RYR3: variants seen among roughly 807,000 people sequenced by gnomAD.
RYR3 encodes the protein brain ryanodine receptor-calcium release channel.
In RYR3, 207 loss-of-function variants were observed where a neutral mutation model predicts 584.3. The observed-to-expected ratio is 0.35, with a 90% CI of 0.32 to 0.40. The LOEUF is 0.40. RYR3 is among the 10% of genes least tolerant of loss of function. The probability of loss-of-function intolerance (pLI) is 1.00; values close to 1 mark genes in which losing one functional copy is unlikely to be tolerated. For synonymous variants in RYR3, 2,416 were observed against 2,248.5 expected (o/e 1.07, Z -2.11); for missense variants, 5,616 against 6,089.2 (o/e 0.92, Z 2.59).
At chr15:33,864,846 T>C in intron 103 of RYR3, 1 of 350,738 alleles carries the variant, frequency 2.9e-6, no homozygotes, top group Non-Finnish European at 5.2e-6. Flanking sequence ...AGCTTATTGC[T>C]AAATCTTTAA....
At chr15:33,454,382 A>G (rs1244061653) in intron 1 of RYR3, among the ~76,000 whole-genome samples, 2 of 152,230 alleles carry the variant, frequency 1.3e-5, no homozygotes, top group African/African-American at 2.4e-5. Flanking sequence ...GGGCTAAAAA[A>G]TAAAAACTAG....
intron 43 of RYR3, among the ~76,000 whole-genome samples, chr15:33,710,103 C>A (rs1209703734): frequency 6.6e-6 from 1 of 152,132 alleles, no homozygotes; most frequent in African/African-American, 2.4e-5. Flanking sequence ...TGTATTAGAC[C>A]ATTCTTGCAT....
Position 33,629,001 on chromosome 15 carries a change from T to C in RYR3, c.2679+426T>C, listed in dbSNP as rs183993401. Among the ~76,000 whole-genome samples the C allele has an allele frequency of 5.9e-5, 9 of 152,356 alleles. 1 individual carries two copies. The East Asian group carries it at 1.7e-3, about 29-fold the overall frequency. ...TGTAAATTGACTGTGTTCCATGATT[T>C]GTGTAAGGTCATGTCTGAAGGCAGA... On this transcript the variant is annotated intron_variant, in intron 21 of 103. Transcript: ENST00000634891.
At chr15:33,725,178 C>CACACACACACACACACATAT (rs1555426976) in intron 45 of RYR3, among the ~76,000 whole-genome samples, 1 of 120,840 alleles carries the variant, frequency 8.3e-6, no homozygotes. Context: ...CACACACACA[C>CACACACACACACACACATAT]ACACACACAC....
Position 33,696,398 on chromosome 15 carries a change from C to G in RYR3, c.6041C>G (p.Thr2014Ser). Residue 2014 changes from threonine (T) to serine (S), a missense_variant, in exon 39 of 104, where the codon ACC becomes AGC. This residue lies in a region of RYR3 where 1,280 missense variants were observed against 1,426.2 expected (regional missense o/e 0.90). Coordinates refer to ENST00000634891, the MANE Select transcript of RYR3 (RefSeq NM_001036.6). The stretch of plus-strand genomic sequence containing the variant: ...ATCAGCCACACCTCTGTAAGCGACA[C>G]CATCAACCTGCTGGCTGCCCTGGGC... ...YTISHTSVSDTINLLAALGQI... is the reference protein window; with the variant it reads ...YTISHTSVSDSINLLAALGQI... 6.2e-7 allele frequency: 1 copy of G among 1,613,980 alleles called. No individual in the cohort carries two copies.
At chr15:33,450,135 G>A (rs191881419) in intron 1 of RYR3, among the ~76,000 whole-genome samples, 6 of 133,154 alleles carry the variant, frequency 4.5e-5, no homozygotes, top group African/African-American at 1.7e-4. Context: ...AGCATTAGCA[G>A]TTACAGTTCT....
At chr15:33,424,853 G>A (rs891363367) in intron 1 of RYR3, among the ~76,000 whole-genome samples, 7 of 152,108 alleles carry the variant, frequency 4.6e-5, no homozygotes, top group Non-Finnish European at 8.8e-5. Context: ...TGGTGTGTGC[G>A]TGTAGCCCCA....
At chr15:33,634,894 A>G (rs2061429108) in intron 25 of RYR3, among the ~76,000 whole-genome samples, 161 bp downstream of exon 25, 1 of 152,256 alleles carries the variant, frequency 6.6e-6, no homozygotes, top group East Asian at 1.9e-4. Context: ...GTTATCGGGG[A>G]GACCATGTTT....
chr15:33,499,304 C>T (rs2051740682), intron 2 of RYR3, among the ~76,000 whole-genome samples: 2 of 151,694 alleles, frequency 1.3e-5, no homozygotes, highest in South Asian at 4.2e-4. Context: ...CTCCCTCCTC[C>T]CCCTCCTCCC....
chr15:33,805,537 G>A (rs894031279), intron 69 of RYR3, among the ~76,000 whole-genome samples: 2 of 150,468 alleles, frequency 1.3e-5, no homozygotes, highest in African/African-American at 4.9e-5. Context: ...GAGTACAGTG[G>A]TGCGATCTCG....
At chr15:33,649,308 C>T in intron 31 of RYR3, 73 bp downstream of exon 31, 1 of 1,403,890 alleles carries the variant, frequency 7.1e-7, no homozygotes. Context: ...TTTCTTCCAC[C>T]CCACACCCAA....
chr15:33,771,426 C>T (rs1300270969), intron 62 of RYR3, among the ~76,000 whole-genome samples: 7 of 144,630 alleles, frequency 4.8e-5, no homozygotes, highest in African/African-American at 1.3e-4. Flanking sequence ...CCCAGCTACT[C>T]GGGAGGCTGA....
At chr15:33,781,845 G>GA (rs2074399100) in intron 65 of RYR3, among the ~76,000 whole-genome samples, 1 of 70,044 alleles carries the variant, frequency 1.4e-5, no homozygotes, top group Admixed American at 1.4e-4. Flanking sequence ...TTTGAAATTA[G>GA]CAAAAAAAAA....
chr15:33,470,625 C>G (rs1596283248), intron 1 of RYR3, among the ~76,000 whole-genome samples: 1 of 152,238 alleles, frequency 6.6e-6, no homozygotes, highest in East Asian at 1.9e-4. Context: ...TAGTCCAGTT[C>G]TGGATTTTAG....
chr15:33,728,245 G>C (rs1236796604), intron 46 of RYR3, among the ~76,000 whole-genome samples: 5 of 152,128 alleles, frequency 3.3e-5, no homozygotes, highest in African/African-American at 1.2e-4. Context: ...TAATGTCACT[G>C]AACACAGAGT....
At chr15:33,727,494 C>G (rs1007139956) in intron 46 of RYR3, among the ~76,000 whole-genome samples, 1 of 152,182 alleles carries the variant, frequency 6.6e-6, no homozygotes, top group African/African-American at 2.4e-5. Context: ...GATTACATCT[C>G]TGAGAAAACT....
At chr15:33,756,907 G>T (rs547131852) in intron 59 of RYR3, among the ~76,000 whole-genome samples, 39 of 152,278 alleles carry the variant, frequency 2.6e-4, no homozygotes, top group African/African-American at 8.4e-4. Flanking sequence ...ACCTGTTTAA[G>T]TTCCATTTGA....
In RYR3 at chr15:33,497,896, C is replaced by T. The variant is rs566494015; in HGVS notation, c.172-5735C>T. Reference sequence around the variant, plus strand: ...CCCCTTCCCAGCCTCTAGTAACCACCATTCTACTCTCTCTACATCTATGAG... The same window carrying T: ...CCCCTTCCCAGCCTCTAGTAACCACTATTCTACTCTCTCTACATCTATGAG... On this transcript the variant is annotated intron_variant, in intron 2 of 103. Transcript: ENST00000634891. Among the ~76,000 whole-genome samples the T allele has an allele frequency of 5.9e-5, 9 of 152,238 alleles. No individual in the cohort carries two copies. The South Asian group carries it at 1.9e-3, about 32-fold the overall frequency.
intron 1 of RYR3, among the ~76,000 whole-genome samples, chr15:33,411,553 A>G (rs753628028): frequency 6.6e-6 from 1 of 152,232 alleles, no homozygotes; most frequent in Non-Finnish European, 1.5e-5. Flanking sequence ...GGCATGTGCT[A>G]TCTTCCCAGT....
Sources: gnomAD v4.1 joint callset for allele counts (sites outside exome capture counted in the v4.1 genomes callset) on GRCh38, gnomAD v4.1.1 for gene constraint, gnomAD v4.1.1 regional missense constraint, MANE v1.5 for transcripts, NCBI Gene and HGNC (gene_info 2026-07-23, HGNC 2026-07-21) for gene names.